The following TBC1D31 variants were observed in gnomAD, a reference collection of about 807,000 sequenced individuals.
TBC1D31 encodes the protein TBC1 domain family member 31.
A neutral mutation model predicts 132.9 loss-of-function variants in TBC1D31; 99 were observed. That is an observed-to-expected ratio of 0.74 (90% CI 0.63 to 0.88). TBC1D31 has a LOEUF of 0.88. Ranked by LOEUF, TBC1D31 falls within the 40% of genes least tolerant of loss-of-function variation. TBC1D31 has a pLI of 0.00. For synonymous variants in TBC1D31, 385 were observed against 419.4 expected (o/e 0.92, Z 1.00); for missense variants, 1,134 against 1,256.6 (o/e 0.90, Z 1.48).
Position 123,130,247 on chromosome 8 carries a change from G to C in TBC1D31, c.2320G>C (p.Asp774His), listed in dbSNP as rs1050725086. 2.5e-6 allele frequency: 4 copies of C among 1,613,264 alleles called. No homozygotes were observed. The African/African-American group carries it at 4.0e-5, about 16-fold the overall frequency. The change falls in exon 16 of 22, where the codon GAT becomes CAT. Residue 774 changes from aspartate to histidine, a missense_variant. Physicochemically the swap from Asp to His is moderately conservative, Grantham distance 81. Transcript: ENST00000287380. ...ELKVKEMHLQ[D>H]AARRRFLKLQ... ...GAAAGTAAAGGAAATGCACTTACAA[G>C]ATGCTGCAAGAAGGCGTTTTCTGAA...
intron 18 of TBC1D31, among the ~76,000 whole-genome samples, chr8:123,141,887 GTC>G (rs1259357720): frequency 1.0e-4 from 11 of 109,672 alleles, no homozygotes; most frequent in Non-Finnish European, 1.4e-4. Flanking sequence ...TAGAGATGGA[GTC>G]TTACTCTGTT....
intron 10 of TBC1D31, among the ~76,000 whole-genome samples, chr8:123,114,204 ATTG>A (rs1818706927): frequency 6.6e-6 from 1 of 152,192 alleles, no homozygotes; most frequent in African/African-American, 2.4e-5. Flanking sequence ...ACATGGATTT[ATTG>A]TTGTAGCCAG....
At chr8:123,080,081 A>G (rs542890953) in intron 2 of TBC1D31, among the ~76,000 whole-genome samples, 1 of 152,354 alleles carries the variant, frequency 6.6e-6, no homozygotes, top group South Asian at 2.1e-4. Flanking sequence ...AGAAGAATGA[A>G]TAAGTTATTA....
rs1814052533 is a variant in TBC1D31, at chr8:123,072,899, G to A, written c.77+53G>A. The A allele has an allele frequency of 2.4e-5, 36 of 1,511,514 alleles. No homozygotes were observed. In the South Asian group the frequency reaches 4.1e-4, roughly 17 times the overall value. The allele number at this position is 1,511,514 out of a possible 1,614,324, so 93.6% of individuals were successfully genotyped here. ...CTGTGGAGGGGATGGAGACCGGCGA[G>A]GAGGGGACGCCGGGCGTCAGGCAGC... is the stretch of plus-strand genomic sequence containing the variant. On this transcript the variant is annotated intron_variant, in intron 1 of 21. Transcript: ENST00000287380.
At chr8:123,073,536 G>C (rs1814149732) in intron 1 of TBC1D31, 1 of 375,152 alleles carries the variant, frequency 2.7e-6, no homozygotes, top group African/African-American at 2.1e-5. Flanking sequence ...TTGAGGCTCA[G>C]CCTGTCTTGT....
the TBC1D31 span, among the ~76,000 whole-genome samples, chr8:123,162,842 C>CT: frequency 0.069 from 10,358 of 151,088 alleles, 424 homozygotes; most frequent in Admixed American, 0.11. Flanking sequence ...TTTTTCTTTT[C>CT]TTTTTTTTTA....
At chr8:123,154,951 T>C (rs1274108542), downstream of TBC1D31, among the ~76,000 whole-genome samples, 1 of 152,192 alleles carries the variant, frequency 6.6e-6, no homozygotes, top group Non-Finnish European at 1.5e-5. Flanking sequence ...CTCAGCATCA[T>C]GCGCATTGTA....
intron 4 of TBC1D31, among the ~76,000 whole-genome samples, chr8:123,086,038 A>G (rs1224418855): frequency 6.6e-6 from 1 of 152,178 alleles, no homozygotes; most frequent in East Asian, 1.9e-4. Flanking sequence ...AGATAAAATA[A>G]ATAATTCATG....
intron 20 of TBC1D31, among the ~76,000 whole-genome samples, chr8:123,149,342 G>C (rs2130977036): frequency 6.6e-6 from 1 of 152,350 alleles, no homozygotes; most frequent in South Asian, 2.1e-4. Context: ...AGAGGTAAAA[G>C]GCAGACATCT....
intron 7 of TBC1D31, chr8:123,102,244 C>T: frequency 4.4e-6 from 2 of 456,674 alleles, no homozygotes; most frequent in Non-Finnish European, 8.8e-6. Flanking sequence ...TCATTTTACA[C>T]AGGAAGAAGT....
chr8:123,164,679 G>A, the TBC1D31 span, among the ~76,000 whole-genome samples: 4 of 151,228 alleles, frequency 2.6e-5, no homozygotes, highest in South Asian at 4.2e-4. Flanking sequence ...CTGAGATAGC[G>A]CCAGTGTACT....
intron 4 of TBC1D31, among the ~76,000 whole-genome samples, chr8:123,085,940 G>A (rs186325137): frequency 1.3e-5 from 2 of 152,118 alleles, no homozygotes; most frequent in Non-Finnish European, 2.9e-5. Context: ...TAACAGACAA[G>A]CCACATAACC....
At chr8:123,117,896 C>T (rs1235890668) in intron 10 of TBC1D31, among the ~76,000 whole-genome samples, 1 of 152,128 alleles carries the variant, frequency 6.6e-6, no homozygotes, top group East Asian at 1.9e-4. Flanking sequence ...CCACTACACT[C>T]CAGCCTGGGC....
At chr8:123,088,242 A>G (rs1815980744) in intron 4 of TBC1D31, among the ~76,000 whole-genome samples, 1 of 152,172 alleles carries the variant, frequency 6.6e-6, no homozygotes, top group Non-Finnish European at 1.5e-5. Context: ...AGTTATCAGC[A>G]AATTTTTCTT....
At chr8:123,090,746 A>AACAAGACC (rs1816236045) in intron 4 of TBC1D31, among the ~76,000 whole-genome samples, 1 of 152,014 alleles carries the variant, frequency 6.6e-6, no homozygotes, top group Non-Finnish European at 1.5e-5. Context: ...CAGCCTGGCC[A>AACAAGACC]ACAAGACCAG....
chr8:123,144,222 GATT>G (rs1366094715), intron 19 of TBC1D31, among the ~76,000 whole-genome samples: 1 of 152,150 alleles, frequency 6.6e-6, no homozygotes, highest in Non-Finnish European at 1.5e-5. Context: ...CTAATTTTAA[GATT>G]ATTATTTTCT....
chr8:123,146,873 C>T (rs1433704129), intron 20 of TBC1D31, among the ~76,000 whole-genome samples: 2 of 151,892 alleles, frequency 1.3e-5, no homozygotes, highest in African/African-American at 4.8e-5. Context: ...GATGGGGTTT[C>T]GCCATGTTGC....
chr8:123,114,854 CAT>C (rs1224990571), intron 10 of TBC1D31, among the ~76,000 whole-genome samples: 2 of 152,114 alleles, frequency 1.3e-5, no homozygotes, highest in Non-Finnish European at 2.9e-5. Flanking sequence ...AGAATGGAAT[CAT>C]ACTATACATA....
chr8:123,140,202 A>G (rs1279486464), intron 17 of TBC1D31, among the ~76,000 whole-genome samples: 2 of 152,182 alleles, frequency 1.3e-5, no homozygotes, highest in Non-Finnish European at 2.9e-5. Context: ...TCTACTAAAA[A>G]TACAAAAAAG....
Sources: gnomAD v4.1 joint callset for allele counts (sites outside exome capture counted in the v4.1 genomes callset) on GRCh38, gnomAD v4.1.1 for gene constraint, MANE v1.5 for transcripts, NCBI Gene and HGNC (gene_info 2026-07-23, HGNC 2026-07-21) for gene names.